The following LOC400499 variants were observed in gnomAD, a reference collection of about 807,000 sequenced individuals.
At chr16:11,386,430 T>C in the LOC400499 span, among the ~76,000 whole-genome samples, 1 of 152,248 alleles carries the variant, frequency 6.6e-6, no homozygotes, top group Non-Finnish European at 1.5e-5. Flanking sequence ...CAGGCTGTTT[T>C]CTACAACACC....
the LOC400499 span, chr16:11,487,136 T>G: frequency 5.0e-6 from 2 of 396,314 alleles, no homozygotes; most frequent in African/African-American, 2.1e-5. Context: ...GGTGACTAGA[T>G]ATTAGGGGAG....
At chr16:11,437,168 G>A in the LOC400499 span, among the ~76,000 whole-genome samples, 2 of 152,190 alleles carry the variant, frequency 1.3e-5, no homozygotes, top group Non-Finnish European at 2.9e-5. Flanking sequence ...TGTAGGAGGA[G>A]GGATGAAAAG....
At chr16:11,456,248 T>A in the LOC400499 span, among the ~76,000 whole-genome samples, 1 of 152,176 alleles carries the variant, frequency 6.6e-6, no homozygotes, top group Non-Finnish European at 1.5e-5. Flanking sequence ...TTTCACCATG[T>A]TGGCCAGGCT....
the LOC400499 span, chr16:11,390,476 G>A: frequency 8.1e-7 from 1 of 1,236,918 alleles, no homozygotes; most frequent in Non-Finnish European, 1.0e-6. Flanking sequence ...GCAACAGGCA[G>A]CCACCACCCA....
chr16:11,390,361 G>A, the LOC400499 span: 171 of 1,234,608 alleles, frequency 1.4e-4, 1 homozygote, highest in African/African-American at 2.2e-3. Flanking sequence ...GGGCACCCAG[G>A]CCTGCAGCCG....
the LOC400499 span, among the ~76,000 whole-genome samples, chr16:11,504,364 T>C: frequency 1.1e-4 from 16 of 152,188 alleles, no homozygotes; most frequent in South Asian, 2.1e-3. Flanking sequence ...GAGACCAGCA[T>C]GGCCAACATG....
At chr16:11,406,590 G>A in the LOC400499 span, among the ~76,000 whole-genome samples, 4 of 152,270 alleles carry the variant, frequency 2.6e-5, no homozygotes, top group African/African-American at 7.2e-5. Context: ...GTGCCACCAC[G>A]CCTGGCTAAT....
the LOC400499 span, chr16:11,439,556 T>A: frequency 5.0e-6 from 2 of 398,916 alleles, no homozygotes; most frequent in African/African-American, 2.1e-5. Flanking sequence ...AAAGTCGGAG[T>A]CAGATCCGTT....
the LOC400499 span, among the ~76,000 whole-genome samples, chr16:11,511,285 C>T: frequency 6.6e-6 from 1 of 152,210 alleles, no homozygotes; most frequent in Non-Finnish European, 1.5e-5. Flanking sequence ...GCTTGAGCCA[C>T]TGTGCCCAGC....
chr16:11,394,477 T>C, the LOC400499 span, among the ~76,000 whole-genome samples: 1 of 152,238 alleles, frequency 6.6e-6, no homozygotes, highest in Admixed American at 6.5e-5. Flanking sequence ...TACAGAACAA[T>C]GGTTCACAAA....
chr16:11,414,793 G>T, the LOC400499 span, among the ~76,000 whole-genome samples: 1 of 152,168 alleles, frequency 6.6e-6, no homozygotes, highest in Non-Finnish European at 1.5e-5. Flanking sequence ...AGCTTCCCTT[G>T]ACTGCCCATC....
At chr16:11,448,181 C>T in the LOC400499 span, 1 of 1,333,084 alleles carries the variant, frequency 7.5e-7, no homozygotes, top group Non-Finnish European at 1.0e-6. Flanking sequence ...CCATCACCCC[C>T]AGAAATGACT....
At chr16:11,486,106 G>T in the LOC400499 span, among the ~76,000 whole-genome samples, 2 of 149,098 alleles carry the variant, frequency 1.3e-5, no homozygotes, top group African/African-American at 4.9e-5. Flanking sequence ...ATAGATGGAT[G>T]AATGATACAT....
chr16:11,454,535 G>A, the LOC400499 span, among the ~76,000 whole-genome samples: 449 of 152,336 alleles, frequency 2.9e-3, 5 homozygotes, highest in African/African-American at 0.01. Context: ...AGAGATTAGA[G>A]AGGATGCGGC....
chr16:11,449,144 A>C, the LOC400499 span: 1 of 1,381,998 alleles, frequency 7.2e-7, no homozygotes, highest in Non-Finnish European at 9.6e-7. Context: ...AGGCCTTTGC[A>C]CACCCTATTT....
the LOC400499 span, among the ~76,000 whole-genome samples, chr16:11,511,718 T>G: frequency 6.6e-6 from 1 of 152,104 alleles, no homozygotes; most frequent in African/African-American, 2.4e-5. Context: ...CTTTTTAGAG[T>G]GATGACAATG....
the LOC400499 span, chr16:11,476,685 T>C: frequency 7.5e-6 from 3 of 399,032 alleles, no homozygotes; most frequent in Non-Finnish European, 1.3e-5. Context: ...CATGCATGCA[T>C]GCAAGCACAC....
the LOC400499 span, among the ~76,000 whole-genome samples, chr16:11,485,286 T>A: frequency 6.6e-6 from 1 of 152,082 alleles, no homozygotes; most frequent in Non-Finnish European, 1.5e-5. Flanking sequence ...ACGGTAAGAA[T>A]TCTTGCCAAT....
the LOC400499 span, among the ~76,000 whole-genome samples, chr16:11,422,621 T>G: frequency 6.6e-6 from 1 of 152,216 alleles, no homozygotes; most frequent in East Asian, 1.9e-4. Context: ...GTCAAAAATG[T>G]TGACTGAGCA....
Sources: gnomAD v4.1 joint callset for allele counts (sites outside exome capture counted in the v4.1 genomes callset) on GRCh38, gnomAD v4.1.1 for gene constraint, MANE v1.5 for transcripts.